Variants in OPHN1 observed in about 807,000 individuals in gnomAD.
OPHN1 encodes oligophrenin-1.
OPHN1 carries 11 observed loss-of-function variants against 60.7 expected under a neutral mutation model. The ratio of observed to expected loss-of-function variants is 0.18; its 90% CI spans 0.11 to 0.30. The LOEUF is 0.30. Among genes scored for constraint, OPHN1 ranks in the 10% least tolerant of loss-of-function variants. OPHN1 has a pLI of 1.00. For missense variants in OPHN1, 449 were observed against 611.0 expected (o/e 0.73, Z 2.80); for synonymous variants, 226 against 222.6 (o/e 1.02, Z -0.14).
intron 15 of OPHN1, among the ~76,000 whole-genome samples, chrX:68,153,799 AC>A (rs769171023): frequency 9.0e-6 from 1 of 111,640 alleles, no homozygotes; most frequent in East Asian, 2.8e-4. Flanking sequence ...ATATGCTGAG[AC>A]CCCGTGATTC....
intron 3 of OPHN1, among the ~76,000 whole-genome samples, chrX:68,292,765 T>G (rs192250492): frequency 1.8e-5 from 2 of 111,530 alleles, no homozygotes; most frequent in Admixed American, 9.6e-5. Context: ...TAGAGACTTC[T>G]GATTACCTTG....
intron 2 of OPHN1, among the ~76,000 whole-genome samples, chrX:68,344,538 G>A (rs2078369793): frequency 1.8e-5 from 2 of 109,335 alleles, no homozygotes; most frequent in African/African-American, 6.7e-5. Context: ...CTTGAACCCA[G>A]GAGGCAGAGG....
intron 5 of OPHN1, among the ~76,000 whole-genome samples, chrX:68,250,108 A>G (rs1319539413): frequency 3.6e-5 from 4 of 112,211 alleles, no homozygotes; most frequent in Non-Finnish European, 7.5e-5. Flanking sequence ...CTCCGCCCCA[A>G]GGGAAATTGC....
At chrX:68,112,157 A>G (rs1480317643) in intron 17 of OPHN1, among the ~76,000 whole-genome samples, 198 bp from the exon 18 acceptor site, 2 of 110,407 alleles carry the variant, frequency 1.8e-5, no homozygotes, top group Non-Finnish European at 3.8e-5. Context: ...AGATGAAAAG[A>G]GACAGAGAGA....
At chrX:68,055,762 A>T (rs2076870359) in intron 21 of OPHN1, among the ~76,000 whole-genome samples, 1 of 112,425 alleles carries the variant, frequency 8.9e-6, no homozygotes, top group Admixed American at 9.4e-5. Context: ...ACCATGGAAT[A>T]CTATGCAGCC....
Position 68,113,182 on chromosome X carries a change from G to T in OPHN1, c.1419C>A (p.Ala473=). Residue 473 remains alanine (A), a splice_region_variant and synonymous_variant, in exon 17 of 25, where the codon GCC becomes GCA. Transcript: ENST00000355520. Reference sequence around the variant, plus strand: ...TTAATTAGTAACATAAATACTTACTGGCAGCAGAGACCAGCTCTTTGTGAA... The same window carrying T: ...TTAATTAGTAACATAAATACTTACTTGCAGCAGAGACCAGCTCTTTGTGAA... ...YRLHKELVSA[A]KSDNLDYRLG... 8.3e-7 allele frequency: 1 copy of T among 1,197,694 alleles called. No homozygotes were observed. The highest frequency in any genetic ancestry group is 1.1e-6 in the Non-Finnish European group (1 of 883,075).
chrX:68,217,529 G>A (rs1211829961), intron 6 of OPHN1, among the ~76,000 whole-genome samples: 1 of 110,415 alleles, frequency 9.1e-6, no homozygotes, highest in Non-Finnish European at 1.9e-5. Flanking sequence ...AAATGTCCCT[G>A]TCTGACAGCT....
At chrX:68,289,194 G>T (rs1400548546) in intron 3 of OPHN1, among the ~76,000 whole-genome samples, 1 of 111,247 alleles carries the variant, frequency 9.0e-6, no homozygotes, top group East Asian at 2.8e-4. Flanking sequence ...CCACCACAAA[G>T]CAGGGCTTAT....
intron 19 of OPHN1, among the ~76,000 whole-genome samples, chrX:68,078,901 G>A (rs1470478003): frequency 2.7e-5 from 3 of 109,709 alleles, no homozygotes; most frequent in Non-Finnish European, 5.7e-5. Flanking sequence ...CAGGAGAATT[G>A]CTCAAATCTG....
chrX:68,340,428 T>C (rs186171183), intron 2 of OPHN1, among the ~76,000 whole-genome samples: 7 of 111,969 alleles, frequency 6.3e-5, no homozygotes, highest in Admixed American at 4.8e-4. Context: ...TCAATTTATT[T>C]TCAAAAAAAT....
chrX:68,417,019 G>A (rs1031402350), intron 2 of OPHN1, among the ~76,000 whole-genome samples: 9 of 112,180 alleles, frequency 8.0e-5, no homozygotes, highest in African/African-American at 2.6e-4. Context: ...CAGCATGCTG[G>A]CTCCTGCTTT....
intron 5 of OPHN1, among the ~76,000 whole-genome samples, chrX:68,258,690 C>A (rs1234997858): frequency 2.7e-5 from 3 of 110,018 alleles, no homozygotes; most frequent in Non-Finnish European, 3.8e-5. Context: ...AACATTACCA[C>A]ATCAGCTGTG....
chrX:68,346,745 T>G (rs2078381096), intron 2 of OPHN1, among the ~76,000 whole-genome samples: 1 of 112,193 alleles, frequency 8.9e-6, no homozygotes, highest in Admixed American at 9.5e-5. Flanking sequence ...AGGACAGACC[T>G]CTTTCCATCA....
At chrX:68,058,002 A>G (rs2076879513) in intron 21 of OPHN1, among the ~76,000 whole-genome samples, 1 of 111,196 alleles carries the variant, frequency 9.0e-6, no homozygotes, top group African/African-American at 3.3e-5. Context: ...ATATACTTCA[A>G]GTTCTAGGGT....
intron 2 of OPHN1, among the ~76,000 whole-genome samples, chrX:68,359,855 CAAAAAAA>C (rs1186524030): frequency 1.0e-4 from 2 of 19,225 alleles, no homozygotes; most frequent in Non-Finnish European, 1.2e-4. Flanking sequence ...GACTCCGTCT[CAAAAAAA>C]AAAAAAAAAA....
At chrX:68,359,267 G>C (rs1347756664) in intron 2 of OPHN1, among the ~76,000 whole-genome samples, 1 of 111,114 alleles carries the variant, frequency 9.0e-6, no homozygotes, top group East Asian at 2.8e-4. Context: ...AGAAAAATTT[G>C]GGGTACATAT....
intron 15 of OPHN1, among the ~76,000 whole-genome samples, chrX:68,192,046 G>A (rs2077490116): frequency 9.5e-6 from 1 of 105,748 alleles, no homozygotes. Flanking sequence ...ACAAAAATGT[G>A]AGCCATAACC....
At chrX:68,213,736 C>T (rs1440073993) in intron 7 of OPHN1, 126 bp downstream of exon 7, 2 of 490,166 alleles carry the variant, frequency 4.1e-6, no homozygotes, top group African/African-American at 2.4e-5. Context: ...AGTTAGACTA[C>T]GTTCTAGACA....
intron 2 of OPHN1, among the ~76,000 whole-genome samples, chrX:68,424,698 T>G (rs1423151236): frequency 9.0e-6 from 1 of 111,703 alleles, no homozygotes; most frequent in Non-Finnish European, 1.9e-5. Flanking sequence ...AAACTTTTCT[T>G]AACAGGCAAG....
Sources: gnomAD v4.1 joint callset for allele counts (sites outside exome capture counted in the v4.1 genomes callset) on GRCh38, gnomAD v4.1.1 for gene constraint, MANE v1.5 for transcripts, NCBI Gene and HGNC (gene_info 2026-07-23, HGNC 2026-07-21) for gene names.